THSD7A: variants seen among roughly 807,000 people sequenced by gnomAD.
THSD7A encodes thrombospondin type 1 domain containing 7A, also known as thrombospondin type-1 domain-containing protein 7A.
A neutral mutation model predicts 231.3 loss-of-function variants in THSD7A; 96 were observed. That is an observed-to-expected ratio of 0.41 (90% confidence interval 0.35 to 0.49). THSD7A has a LOEUF of 0.49. Among genes scored for constraint, THSD7A ranks in the 20% least tolerant of loss-of-function variants. THSD7A has a pLI of 0.05. For synonymous variants in THSD7A, 940 were observed against 743.3 expected (o/e 1.26, Z -4.30); for missense variants, 2,290 against 2,070.2 (o/e 1.11, Z -2.06).
chr7:11,667,660 T>C (rs1783195278), intron 1 of THSD7A, among the ~76,000 whole-genome samples: 1 of 152,174 alleles, frequency 6.6e-6, no homozygotes, highest in South Asian at 2.1e-4. Context: ...TTGGGCCCAC[T>C]GTTAAAATGC....
chr7:11,528,412 A>G (rs1363524424), intron 6 of THSD7A, among the ~76,000 whole-genome samples: 1 of 152,118 alleles, frequency 6.6e-6, no homozygotes, highest in Non-Finnish European at 1.5e-5. Context: ...AGCCAAGTAG[A>G]TGGGATATAC....
chr7:11,699,455 T>C (rs1020557975), intron 1 of THSD7A, among the ~76,000 whole-genome samples: 12 of 151,322 alleles, frequency 7.9e-5, no homozygotes, highest in African/African-American at 2.9e-4. Flanking sequence ...TTTATTAGCA[T>C]TGATTATTAA....
rs569707342 is a variant in THSD7A at position 11,732,137 on chromosome 7, C to T, written c.191-95176G>A. Among the ~76,000 whole-genome samples, 147 of 151,742 alleles carry T rather than the reference C, an allele frequency of 9.7e-4. 1 individual carries two copies. The South Asian group carries it at 0.03, about 31-fold the overall frequency. Reference sequence around the variant, plus strand: ...ATATTAGCTGAAAAAAGAGATAATGCTGTTTATTGAGCATCAGATGCATGA... The same window carrying T: ...ATATTAGCTGAAAAAAGAGATAATGTTGTTTATTGAGCATCAGATGCATGA... On this transcript the variant is annotated intron_variant, in intron 1 of 27. Transcript: ENST00000423059.
At chr7:11,774,700 T>C (rs1489850736) in intron 1 of THSD7A, among the ~76,000 whole-genome samples, 16 of 152,194 alleles carry the variant, frequency 1.1e-4, no homozygotes, top group Admixed American at 1.0e-3. Flanking sequence ...AAAATAAAAA[T>C]CATACAATTA....
Position 11,407,058 on chromosome 7 carries a change from T to G in THSD7A, c.3917-3A>C, listed in dbSNP as rs774277495. 6.2e-7 allele frequency: 1 copy of G among 1,613,570 alleles called. No individual in the cohort carries two copies. Among genetic ancestry groups the G allele is most frequent in the Non-Finnish European group, 8.5e-7 (1 of 1,179,762 alleles). The stretch of plus-strand genomic sequence containing the variant: ...TGTTCGTCTTCGGATCATTTTTCCT[T>G]GAAGAGATACAAAGTGATGCACCTT... On this transcript the variant is annotated splice_polypyrimidine_tract_variant and splice_region_variant and intron_variant, in intron 20 of 27. Transcript: ENST00000423059.
At chr7:11,574,728 G>A (rs1490296170) in intron 4 of THSD7A, among the ~76,000 whole-genome samples, 1 of 151,808 alleles carries the variant, frequency 6.6e-6, no homozygotes, top group South Asian at 2.1e-4. Context: ...GAGCCACCGC[G>A]CCCGGCCAAC....
At chr7:11,475,751 ATTC>A (rs1236771589) in intron 7 of THSD7A, among the ~76,000 whole-genome samples, 1 of 150,826 alleles carries the variant, frequency 6.6e-6, no homozygotes, top group South Asian at 2.1e-4. Flanking sequence ...AAATAAAAAT[ATTC>A]TTCTCAATGT....
intron 6 of THSD7A, among the ~76,000 whole-genome samples, chr7:11,528,338 C>G (rs1291598067): frequency 6.6e-6 from 1 of 152,104 alleles, no homozygotes; most frequent in Non-Finnish European, 1.5e-5. Context: ...TGTACAAGCT[C>G]TTGGATATAT....
At position 11,411,509 on chromosome 7, in the gene THSD7A, G is replaced by A. The variant is rs912446582; in HGVS notation, c.3683-187C>T. Reference sequence around the variant, plus strand: ...TCAGGAGTCAAATGGAATTGCTGGGGTTGCACATAGCTACAGGGATTATTC... The same window carrying A: ...TCAGGAGTCAAATGGAATTGCTGGGATTGCACATAGCTACAGGGATTATTC... On this transcript the variant is annotated intron_variant, in intron 18 of 27. Coordinates refer to ENST00000423059, the MANE Select transcript of THSD7A (RefSeq NM_015204.3). This position sits in a 1 kb window ranked among gnomAD's most constrained non-coding sequence, Gnocchi z 4.1. 6.6e-6 allele frequency among the ~76,000 whole-genome samples: 1 copy of A among 152,184 alleles called. No homozygotes were observed. Among genetic ancestry groups the A allele is most frequent in the South Asian group, 2.1e-4 (1 of 4,836 alleles).
At chr7:11,682,029 T>C (rs1185855653) in intron 1 of THSD7A, among the ~76,000 whole-genome samples, 2 of 151,782 alleles carry the variant, frequency 1.3e-5, no homozygotes, top group East Asian at 3.9e-4. Flanking sequence ...TATGGAGAAA[T>C]AAAGTCTTTT....
At chr7:11,558,572 T>G (rs1400058543) in intron 4 of THSD7A, among the ~76,000 whole-genome samples, 1 of 152,032 alleles carries the variant, frequency 6.6e-6, no homozygotes, top group African/African-American at 2.4e-5. Context: ...AAGGAAACCA[T>G]TTTCAGACAG....
Position 11,831,653 on chromosome 7 carries a change from TA to T in THSD7A, c.190+103del. 1.3e-6 allele frequency: 1 copy of T among 790,916 alleles called. No individual in the cohort carries two copies. The highest frequency in any genetic ancestry group is 1.7e-6 in the Non-Finnish European group (1 of 582,844). The allele number at this position is 790,916 out of a possible 1,614,324, so 49.0% of individuals were successfully genotyped here. ...TACTTTTTACCTTAGGATACCAGCA[TA>T]ACCAAGCCATCCAAAAGCACCGGGG... is the stretch of plus-strand genomic sequence containing the variant. On this transcript the variant is annotated intron_variant, in intron 1 of 27. Coordinates refer to ENST00000423059, the MANE Select transcript of THSD7A (RefSeq NM_015204.3). The surrounding 1 kb of genome is among the most constrained non-coding windows in gnomAD (Gnocchi z 5.0).
In THSD7A at chr7:11,372,842, CTCA is replaced by C. The variant is rs1235172121; in HGVS notation, c.*2949_*2951del. 1 of 151,966 alleles carries C rather than the reference CTCA, an allele frequency of 6.6e-6. No homozygotes were observed. 9.4% of individuals were successfully genotyped at this position (151,966 alleles called of 1,614,324 possible). Reference sequence around the variant, plus strand: ...AATAAAATATTTAACTCATTATTGTCTCATGTCAGAAACAAAAATAAGGCCATT... The same window carrying C: ...AATAAAATATTTAACTCATTATTGTCTGTCAGAAACAAAAATAAGGCCATT... On this transcript the variant is annotated 3_prime_UTR_variant, in exon 28 of 28. Coordinates refer to ENST00000423059, the MANE Select transcript of THSD7A (RefSeq NM_015204.3).
intron 6 of THSD7A, among the ~76,000 whole-genome samples, chr7:11,511,725 A>G (rs1001456478): frequency 8.5e-5 from 13 of 152,242 alleles, no homozygotes; most frequent in Admixed American, 2.0e-4. Flanking sequence ...AAAACTGGCT[A>G]GCCATATGTA....
chr7:11,491,039 T>C (rs1318037767), intron 6 of THSD7A, among the ~76,000 whole-genome samples: 1 of 152,100 alleles, frequency 6.6e-6, no homozygotes, highest in East Asian at 1.9e-4. Context: ...CCCACTGTGT[T>C]CCAATTCACT....
chr7:11,758,420 T>G (rs1253407929), intron 1 of THSD7A, among the ~76,000 whole-genome samples: 2 of 152,012 alleles, frequency 1.3e-5, no homozygotes, highest in African/African-American at 4.8e-5. Flanking sequence ...TAAGAAAGCA[T>G]GAATGCAGTG....
chr7:11,663,387 T>C (rs1426717847), intron 1 of THSD7A, among the ~76,000 whole-genome samples: 1 of 151,582 alleles, frequency 6.6e-6, no homozygotes, highest in Non-Finnish European at 1.5e-5. Context: ...AGGAAAATGT[T>C]TGGCCCTGAT....
At chr7:11,536,918 T>C (rs192665490) in intron 6 of THSD7A, among the ~76,000 whole-genome samples, 59 of 152,322 alleles carry the variant, frequency 3.9e-4, no homozygotes, top group Non-Finnish European at 6.3e-4. Context: ...TTTTTAATAA[T>C]ATATGTCTGA....
At chr7:11,588,787 C>G (rs1780026963) in intron 4 of THSD7A, among the ~76,000 whole-genome samples, 1 of 152,194 alleles carries the variant, frequency 6.6e-6, no homozygotes, top group Non-Finnish European at 1.5e-5. Flanking sequence ...TATAATAAAT[C>G]TACTTAAGAG....
Sources: gnomAD v4.1 joint callset for allele counts (sites outside exome capture counted in the v4.1 genomes callset) on GRCh38, gnomAD v4.1.1 for gene constraint, Gnocchi (gnomAD v3.1) non-coding constraint, MANE v1.5 for transcripts, NCBI Gene and HGNC (gene_info 2026-07-23, HGNC 2026-07-21) for gene names.